NOS1: variants seen among roughly 807,000 people sequenced by gnomAD.
The protein encoded by NOS1 is NOS type I.
A neutral mutation model predicts 164.5 loss-of-function variants in NOS1; 51 were observed. The observed-to-expected ratio is 0.31, with a 90% CI of 0.25 to 0.39. The LOEUF is 0.39. Among genes scored for constraint, NOS1 ranks in the 10% least tolerant of loss-of-function variants. The pLI is 1.00. For missense variants in NOS1, 1,362 were observed against 1,885.6 expected, an observed-to-expected ratio of 0.72 and a Z score of 5.14; for synonymous variants, 719 against 745.8, an observed-to-expected ratio of 0.96 and a Z score of 0.59.
In NOS1 at chr12:117,290,326, G is replaced by T. The variant is rs758408165; in HGVS notation, c.953C>A (p.Thr318Asn). 1 of 1,614,184 alleles carries T rather than the reference G, an allele frequency of 6.2e-7. No individual in the cohort carries two copies. Among genetic ancestry groups the T allele is most frequent in the Admixed American group, 1.7e-5 (1 of 60,018 alleles). ...TGTGCTCTTAAGGTGGAGGGTGTCA[G>T]TGAGAACCACCTCAGTCTCCCAGTT... ...VKNWETEVVL[T>N]DTLHLKSTLE... is the part of the protein sequence containing the mutation. The change falls in exon 4 of 29, where the codon ACT becomes AAT. Residue 318 changes from threonine (T) to asparagine (N), a missense_variant. Thr to Asn is a moderately conservative substitution (Grantham distance 65, BLOSUM62 0). Around this residue, in one of 4 missense-constraint regions of NOS1, gnomAD observed 129 missense variants for 186.0 expected, o/e 0.69. Transcript: ENST00000317775.
At chr12:117,231,906 T>TA (rs1869264969) in intron 22 of NOS1, 56 bp downstream of exon 22, 1 of 1,531,082 alleles carries the variant, frequency 6.5e-7, no homozygotes, top group East Asian at 2.4e-5. Context: ...TTCAACTCTT[T>TA]AATGACGAGG....
intron 3 of NOS1, among the ~76,000 whole-genome samples, chr12:117,294,717 G>A (rs532370315): frequency 6.6e-6 from 1 of 152,284 alleles, no homozygotes; most frequent in East Asian, 1.9e-4. Flanking sequence ...TTGGGCACAG[G>A]GCACAAGTGG....
chr12:117,335,895 T>C (rs975675303), intron 1 of NOS1, among the ~76,000 whole-genome samples: 9 of 152,130 alleles, frequency 5.9e-5, no homozygotes, highest in African/African-American at 2.2e-4. Context: ...GTTGTTTTTA[T>C]ATTTGTAGAG....
Position 117,272,354 on chromosome 12 carries a change from T to C in NOS1, c.1839+31A>G, listed in dbSNP as rs1872855161. The C allele has an allele frequency of 1.2e-6, 2 of 1,612,812 alleles. No individual in the cohort carries two copies. The highest frequency in any genetic ancestry group is 1.7e-6 in the Non-Finnish European group (2 of 1,179,386). ...AGCTGGCACCCTCTGCTATGTGCTT[T>C]TCCCCTGTGGTGACCAGAGAGGGCC... On this transcript the variant is annotated intron_variant, in intron 10 of 28. Coordinates refer to ENST00000317775, the MANE Select transcript of NOS1 (RefSeq NM_000620.5). This position sits in a 1 kb window ranked among gnomAD's most constrained non-coding sequence, Gnocchi z 4.3.
Position 117,333,351 on chromosome 12 carries a change from AG to A in NOS1, c.-420-1863del, listed in dbSNP as rs548079161. Among the ~76,000 whole-genome samples, 389 of 152,238 alleles carry A rather than the reference AG, an allele frequency of 2.6e-3. 8 individuals carry two copies. Among genetic ancestry groups the A allele is most frequent in the Middle Eastern group, 3.4e-3 (1 of 294 alleles). ...AACCTCACCATGCTTCAGCACCAGG[AG>A]GGAGCCCCCATCTGCCATGACTAAC... is the stretch of plus-strand genomic sequence containing the variant. On this transcript the variant is annotated intron_variant, in intron 1 of 28. Transcript: ENST00000317775.
rs750629105 is a variant in NOS1, at chr12:117,225,262, G to A, written c.3705-125C>T. ...CAATGAGACTTAAGGCTCTTCAGCCGGGGCCAGGTGCCCCTTTCCAGGGTG... is the reference window on the plus strand; with the variant it reads ...CAATGAGACTTAAGGCTCTTCAGCCAGGGCCAGGTGCCCCTTTCCAGGGTG... On this transcript the variant is annotated intron_variant, in intron 24 of 28. Transcript: ENST00000317775. 2.5e-5 allele frequency: 31 copies of A among 1,263,174 alleles called. 1 individual carries two copies. The highest frequency in any genetic ancestry group is 4.6e-4 in the Middle Eastern group (2 of 4,334). The allele number at this position is 1,263,174 out of a possible 1,614,324, so 78.2% of individuals were successfully genotyped here.
chr12:117,355,724 G>T (rs544633630), intron 1 of NOS1, among the ~76,000 whole-genome samples: 1 of 152,206 alleles, frequency 6.6e-6, no homozygotes, highest in Non-Finnish European at 1.5e-5. Flanking sequence ...ACACCAACTG[G>T]CTAACTCTTT....
intron 9 of NOS1, among the ~76,000 whole-genome samples, chr12:117,274,288 G>A (rs773286575): frequency 6.6e-6 from 1 of 152,152 alleles, no homozygotes; most frequent in African/African-American, 2.4e-5. Flanking sequence ...AGTTAGGACG[G>A]CAATTATAAA....
At chr12:117,337,050 C>G (rs994861204) in intron 1 of NOS1, among the ~76,000 whole-genome samples, 1 of 151,420 alleles carries the variant, frequency 6.6e-6, no homozygotes, top group Non-Finnish European at 1.5e-5. Flanking sequence ...CCTGCCTCAG[C>G]CTCCCAAAGT....
intron 12 of NOS1, 149 bp downstream of exon 12, chr12:117,265,167 T>A (rs1430609139): frequency 3.7e-6 from 2 of 535,112 alleles, no homozygotes; most frequent in Non-Finnish European, 6.0e-6. Flanking sequence ...TCTTGTTCTT[T>A]CAGCTAGACC....
intron 1 of NOS1, among the ~76,000 whole-genome samples, chr12:117,352,189 A>G (rs981826054): frequency 1.3e-5 from 2 of 149,430 alleles, no homozygotes; most frequent in Non-Finnish European, 2.9e-5. Context: ...ACATACATAC[A>G]TACATACATA....
intron 3 of NOS1, among the ~76,000 whole-genome samples, chr12:117,297,952 G>A (rs897436050): frequency 6.6e-6 from 1 of 152,120 alleles, no homozygotes; most frequent in African/African-American, 2.4e-5. Context: ...TATTATGGCA[G>A]CAGTCCTCAA....
At chr12:117,325,529 C>T (rs1026537690) in intron 2 of NOS1, among the ~76,000 whole-genome samples, 7 of 152,124 alleles carry the variant, frequency 4.6e-5, no homozygotes, top group African/African-American at 7.2e-5. Flanking sequence ...GGAAGAGAGT[C>T]TTGCATGCCA....
At chr12:117,258,674 C>T (rs775482248) in intron 15 of NOS1, among the ~76,000 whole-genome samples, 7 of 152,118 alleles carry the variant, frequency 4.6e-5, no homozygotes, top group Admixed American at 2.0e-4. Flanking sequence ...GGACTCCCTA[C>T]CCCCAGCACA....
chr12:117,359,205 C>G (rs997134722), intron 1 of NOS1, among the ~76,000 whole-genome samples: 2 of 134,780 alleles, frequency 1.5e-5, no homozygotes, highest in Non-Finnish European at 3.2e-5. Flanking sequence ...CGGGGCCCGC[C>G]GTGGCGGTGC....
intron 10 of NOS1, among the ~76,000 whole-genome samples, chr12:117,270,481 G>T (rs967666906): frequency 1.3e-5 from 2 of 152,030 alleles, no homozygotes; most frequent in Non-Finnish European, 2.9e-5. Context: ...ACATTTGTGG[G>T]AAGTAAGAAA....
At position 117,331,393 on chromosome 12, in the gene NOS1, G is replaced by A; in HGVS notation, c.-324C>T. 1 of 357,654 alleles carries A rather than the reference G, an allele frequency of 2.8e-6. No homozygotes were observed. Among genetic ancestry groups the A allele is most frequent in the Non-Finnish European group, 5.2e-6 (1 of 192,114 alleles). The allele number at this position is 357,654 out of a possible 1,614,324, so 22.2% of individuals were successfully genotyped here. A position where few individuals can be genotyped will look rare whatever the true frequency, so the allele number is the denominator to read the frequency against. On this transcript the variant is annotated 5_prime_UTR_variant, in exon 2 of 29. Coordinates refer to ENST00000317775, the MANE Select transcript of NOS1 (RefSeq NM_000620.5). ...GAAAGGGGAGGAGATGCGTCTGATGGCTGTGTCTAGAAGTGACGCATGATA... is the reference window on the plus strand; with the variant it reads ...GAAAGGGGAGGAGATGCGTCTGATGACTGTGTCTAGAAGTGACGCATGATA...
intron 16 of NOS1, among the ~76,000 whole-genome samples, chr12:117,255,132 G>T (rs116483566): frequency 0.023 from 3,454 of 152,092 alleles, 127 homozygotes; most frequent in African/African-American, 0.078. Flanking sequence ...TAAATTATTT[G>T]GAAGGTGAAG....
rs1872878433 is a variant in NOS1, at chr12:117,272,631, T to C, written c.1665-72A>G. 1 of 1,420,968 alleles carries C rather than the reference T, an allele frequency of 7.0e-7. No homozygotes were observed. The highest frequency in any genetic ancestry group is 9.7e-7 in the Non-Finnish European group (1 of 1,030,856). 88.0% of individuals were successfully genotyped at this position (1,420,968 alleles called of 1,614,324 possible). The stretch of plus-strand genomic sequence containing the variant: ...GGGCGGGACAGCTTGAATCTAGAGA[T>C]GCTGAAATGCCAAGGATGGACTGGG... On this transcript the variant is annotated intron_variant, in intron 9 of 28. Coordinates refer to ENST00000317775, the MANE Select transcript of NOS1 (RefSeq NM_000620.5). The surrounding 1 kb of genome is among the most constrained non-coding windows in gnomAD (Gnocchi z 4.3).
Sources: allele counts gnomAD v4.1 joint callset (sites outside exome capture counted in the v4.1 genomes callset), GRCh38; gene constraint gnomAD v4.1.1; regional missense constraint gnomAD v4.1.1; non-coding constraint Gnocchi (gnomAD v3.1); transcripts MANE v1.5; gene names NCBI Gene and HGNC (gene_info 2026-07-23, HGNC 2026-07-21).